Variants in PRKAG2 observed in about 807,000 individuals in gnomAD.
PRKAG2 encodes protein kinase AMP-activated non-catalytic subunit gamma 2, also known as 5'-AMP-activated protein kinase subunit gamma-2.
A neutral mutation model predicts 69.6 loss-of-function variants in PRKAG2; 26 were observed. The observed-to-expected ratio is 0.37, with a 90% confidence interval of 0.27 to 0.52. The LOEUF (loss-of-function observed/expected upper bound fraction) is 0.52, where lower values mean the gene tolerates loss of function less well. PRKAG2 is among the 20% of genes least tolerant of loss of function. The pLI is 0.90. For missense variants in PRKAG2, 557 were observed against 740.0 expected, an observed-to-expected ratio of 0.75 and a Z score of 2.87; for synonymous variants, 293 against 285.0, an observed-to-expected ratio of 1.03 and a Z score of -0.28.
intron 4 of PRKAG2, among the ~76,000 whole-genome samples, chr7:151,661,765 C>G (rs538197186): frequency 6.6e-6 from 1 of 152,220 alleles, no homozygotes; most frequent in South Asian, 2.1e-4. Flanking sequence ...ACAGGGTATG[C>G]GTTCCTTCTC....
At position 151,836,377 on chromosome 7, in the gene PRKAG2, G is replaced by A. The variant is rs1390450890; in HGVS notation, c.114+40130C>T. Among the ~76,000 whole-genome samples the A allele has an allele frequency of 6.6e-6, 1 of 152,198 alleles. No individual in the cohort carries two copies. The highest frequency in any genetic ancestry group is 1.5e-5 in the Non-Finnish European group (1 of 68,038). On this transcript the variant is annotated intron_variant, in intron 1 of 15. Transcript: ENST00000287878. The surrounding 1 kb of genome is among the most constrained non-coding windows in gnomAD (Gnocchi z 4.1). ...GGGGCGAGAGAATGGGGTGGTGGCTGCCCCAGGCCAGCTGGTCCAGGCAGC... is the reference window on the plus strand; with the variant it reads ...GGGGCGAGAGAATGGGGTGGTGGCTACCCCAGGCCAGCTGGTCCAGGCAGC...
chr7:151,630,739 G>A (rs566112010), intron 5 of PRKAG2, among the ~76,000 whole-genome samples: 2 of 152,168 alleles, frequency 1.3e-5, no homozygotes, highest in African/African-American at 4.8e-5. Context: ...CTTATGGAAC[G>A]GGCACACCAT....
intron 4 of PRKAG2, among the ~76,000 whole-genome samples, chr7:151,660,832 A>G (rs1830204098): frequency 6.6e-6 from 1 of 152,266 alleles, no homozygotes; most frequent in South Asian, 2.1e-4. Flanking sequence ...GATTCCAGGA[A>G]GTTTTAATTT....
chr7:151,875,564 TG>T (rs2080370826), intron 1 of PRKAG2, among the ~76,000 whole-genome samples: 1 of 26,450 alleles, frequency 3.8e-5, no homozygotes, highest in African/African-American at 1.4e-4. Flanking sequence ...AGCACTCTGG[TG>T]TGTGTGTGTG....
At chr7:151,830,730 G>A (rs1470046499) in intron 1 of PRKAG2, among the ~76,000 whole-genome samples, 3 of 140,170 alleles carry the variant, frequency 2.1e-5, no homozygotes, top group African/African-American at 7.8e-5. Flanking sequence ...AGGCTGCTCT[G>A]GAAAACTCCC....
chr7:151,795,412 G>C (rs921769927), intron 1 of PRKAG2, among the ~76,000 whole-genome samples: 1 of 152,050 alleles, frequency 6.6e-6, no homozygotes, highest in South Asian at 2.1e-4. Context: ...GAGTAGCTGC[G>C]GTCTTCACAG....
Position 151,669,773 on chromosome 7 carries a change from C to T in PRKAG2, c.684+5647G>A, listed in dbSNP as rs117968550. On this transcript the variant is annotated intron_variant, in intron 4 of 15. Coordinates refer to ENST00000287878, the MANE Select transcript of PRKAG2 (RefSeq NM_016203.4). ...ACCTGCATGCACACACACCTGTGCACACACTTGCACGCACACACCTGTGCA... is the reference window on the plus strand; with the variant it reads ...ACCTGCATGCACACACACCTGTGCATACACTTGCACGCACACACCTGTGCA... Among the ~76,000 whole-genome samples the T allele has an allele frequency of 9.2e-5, 14 of 152,006 alleles. No homozygotes were observed. The East Asian group carries it at 2.3e-3, about 25-fold the overall frequency.
intron 1 of PRKAG2, among the ~76,000 whole-genome samples, chr7:151,869,093 G>T (rs1017162548): frequency 6.6e-6 from 1 of 152,090 alleles, no homozygotes; most frequent in Non-Finnish European, 1.5e-5. Context: ...TATTGGGGGG[G>T]GCAGTTCAAA....
intron 1 of PRKAG2, among the ~76,000 whole-genome samples, chr7:151,818,742 C>G (rs2078703968): frequency 6.6e-6 from 1 of 152,248 alleles, no homozygotes; most frequent in Non-Finnish European, 1.5e-5. Flanking sequence ...ATTGACCACA[C>G]TTTTATTTCA....
intron 1 of PRKAG2, among the ~76,000 whole-genome samples, chr7:151,865,757 C>A (rs183524859): frequency 6.6e-6 from 1 of 152,242 alleles, no homozygotes; most frequent in African/African-American, 2.4e-5. Context: ...CAGTGGCTCA[C>A]GCCTGTAATC....
Position 151,814,832 on chromosome 7 carries a change from G to A in PRKAG2, c.115-28291C>T. 1 of 1,231,820 alleles carries A rather than the reference G, an allele frequency of 8.1e-7. No homozygotes were observed. The highest frequency in any genetic ancestry group is 1.0e-6 in the Non-Finnish European group (1 of 987,998). 76.3% of individuals were successfully genotyped at this position (1,231,820 alleles called of 1,614,324 possible). A position where few individuals can be genotyped will look rare whatever the true frequency, so the allele number is the denominator to read the frequency against. On this transcript the variant is annotated intron_variant, in intron 1 of 15. Coordinates refer to ENST00000287878, the MANE Select transcript of PRKAG2 (RefSeq NM_016203.4). This position sits in a 1 kb window ranked among gnomAD's most constrained non-coding sequence, Gnocchi z 4.8. Reference sequence around the variant, plus strand: ...CCCATTGACGGGACTGCAGCAAACTGTCATTCCCACCTGTGTCAGGCGCTG... The same window carrying A: ...CCCATTGACGGGACTGCAGCAAACTATCATTCCCACCTGTGTCAGGCGCTG...
rs562794324 is a variant in PRKAG2 at position 151,833,259 on chromosome 7, G to A, written c.114+43248C>T. 7.9e-5 allele frequency among the ~76,000 whole-genome samples: 12 copies of A among 152,322 alleles called. No homozygotes were observed. The East Asian group carries it at 1.5e-3, about 20-fold the overall frequency. On this transcript the variant is annotated intron_variant, in intron 1 of 15. Transcript: ENST00000287878. ...TGAGAAAGGGAACTGACCATTGGAA[G>A]CTGGGACAGAGCACCCCGGGCAGGA...
At chr7:151,662,985 T>C (rs889387494) in intron 4 of PRKAG2, among the ~76,000 whole-genome samples, 1 of 152,154 alleles carries the variant, frequency 6.6e-6, no homozygotes, top group Non-Finnish European at 1.5e-5. Context: ...TGGGAATCTT[T>C]GGGAGGCTGA....
rs1171983902 is a variant in PRKAG2 at position 151,807,391 on chromosome 7, A to C, written c.115-20850T>G. ...ATGCAGCGGGAGTGGAATTTTCAGG[A>C]AGCAGCTGTGCTGTGGGTGACGGTC... is the stretch of plus-strand genomic sequence containing the variant. On this transcript the variant is annotated intron_variant, in intron 1 of 15. Transcript: ENST00000287878. The surrounding 1 kb of genome is among the most constrained non-coding windows in gnomAD (Gnocchi z 4.4). 4.4e-6 allele frequency: 2 copies of C among 456,516 alleles called. No homozygotes were observed. Among genetic ancestry groups the C allele is most frequent in the Admixed American group, 2.4e-5 (1 of 42,544 alleles). The allele number at this position is 456,516 out of a possible 1,614,324, so 28.3% of individuals were successfully genotyped here.
chr7:151,725,857 G>A (rs1434018000), intron 3 of PRKAG2, among the ~76,000 whole-genome samples: 2 of 152,254 alleles, frequency 1.3e-5, no homozygotes, highest in South Asian at 2.1e-4. Flanking sequence ...ACTGCACCTC[G>A]AAATCCCGGT....
At position 151,833,318 on chromosome 7, in the gene PRKAG2, C is replaced by T. The variant is rs752040742; in HGVS notation, c.114+43189G>A. 4.6e-5 allele frequency among the ~76,000 whole-genome samples: 7 copies of T among 152,154 alleles called. No individual in the cohort carries two copies. In the East Asian group the frequency reaches 9.7e-4, roughly 21 times the overall value. ...AGTGCAAAGGCCCTGAGGCAGGGCT[C>T]GGGAGTGTGCAGCGGGAAGGGTTCT... is the stretch of plus-strand genomic sequence containing the variant. On this transcript the variant is annotated intron_variant, in intron 1 of 15. Transcript: ENST00000287878.
At chr7:151,709,137 A>G (rs892612380) in intron 3 of PRKAG2, among the ~76,000 whole-genome samples, 1 of 152,130 alleles carries the variant, frequency 6.6e-6, no homozygotes, top group African/African-American at 2.4e-5. Flanking sequence ...TATTGTGACA[A>G]TGAACAATGT....
At chr7:151,873,929 A>G (rs893831270) in intron 1 of PRKAG2, among the ~76,000 whole-genome samples, 3 of 151,884 alleles carry the variant, frequency 2.0e-5, no homozygotes, top group African/African-American at 7.3e-5. Flanking sequence ...TTCTCTCTAT[A>G]TATTTTTTTA....
At chr7:151,677,729 C>T (rs1833167270) in intron 3 of PRKAG2, among the ~76,000 whole-genome samples, 1 of 152,180 alleles carries the variant, frequency 6.6e-6, no homozygotes, top group Non-Finnish European at 1.5e-5. Context: ...GCCAACTGTT[C>T]CAACCGTGTT....
Sources: gnomAD v4.1 joint callset for allele counts (sites outside exome capture counted in the v4.1 genomes callset) on GRCh38, gnomAD v4.1.1 for gene constraint, Gnocchi (gnomAD v3.1) non-coding constraint, MANE v1.5 for transcripts, NCBI Gene and HGNC (gene_info 2026-07-23, HGNC 2026-07-21) for gene names.